Variants in PCDH15 observed in about 807,000 individuals in gnomAD.
PCDH15 encodes the protein protocadherin-15.
A neutral mutation model predicts 178.5 loss-of-function variants in PCDH15; 129 were observed. That is an observed-to-expected ratio of 0.72 (90% CI 0.63 to 0.84). The LOEUF is 0.84. PCDH15 is among the 40% of genes least tolerant of loss of function. The pLI is 0.00. For synonymous variants in PCDH15, 800 were observed against 732.0 expected (o/e 1.09, Z -1.50); for missense variants, 2,230 against 2,099.9 (o/e 1.06, Z -1.21).
intron 1 of PCDH15, among the ~76,000 whole-genome samples, chr10:54,738,001 A>G (rs1188987471): frequency 6.6e-6 from 1 of 152,050 alleles, no homozygotes; most frequent in Non-Finnish European, 1.5e-5. Context: ...AGCCAAATGG[A>G]TAATGGGGGA....
chr10:54,189,044 A>T (rs2048729178), intron 11 of PCDH15, among the ~76,000 whole-genome samples: 1 of 151,992 alleles, frequency 6.6e-6, no homozygotes, highest in African/African-American at 2.4e-5. Flanking sequence ...TAAATTACCA[A>T]TGTTTGTTGT....
chr10:54,286,049 G>T (rs2059007454), intron 8 of PCDH15, among the ~76,000 whole-genome samples: 1 of 152,194 alleles, frequency 6.6e-6, no homozygotes, highest in Non-Finnish European at 1.5e-5. Flanking sequence ...GAGAAGTAGA[G>T]TGAGAAGGAA....
intron 1 of PCDH15, among the ~76,000 whole-genome samples, chr10:55,224,632 T>C (rs1420872551): frequency 1.3e-5 from 2 of 152,110 alleles, no homozygotes; most frequent in Non-Finnish European, 2.9e-5. Context: ...CTTTGACTAG[T>C]ACATAGCACA....
At chr10:55,454,946 CACAA>C (rs755369136) in intron 2 of PCDH15, among the ~76,000 whole-genome samples, 2 of 151,876 alleles carry the variant, frequency 1.3e-5, no homozygotes, top group South Asian at 2.1e-4. Context: ...CATATATACA[CACAA>C]ACACACATAT....
intron 4 of PCDH15, among the ~76,000 whole-genome samples, chr10:54,375,981 G>A (rs983379976): frequency 1.3e-5 from 2 of 151,028 alleles, no homozygotes; most frequent in African/African-American, 2.4e-5. Flanking sequence ...TGCAACCTCC[G>A]CCTCCTGGGA....
At chr10:53,882,076 G>A (rs1353151831) in intron 26 of PCDH15, among the ~76,000 whole-genome samples, 2 of 148,602 alleles carry the variant, frequency 1.3e-5, no homozygotes, top group African/African-American at 5.0e-5. Context: ...TGCAACCTCC[G>A]CCTTCTGAGT....
At chr10:54,706,548 C>T (rs1397346852) in intron 1 of PCDH15, among the ~76,000 whole-genome samples, 2 of 152,132 alleles carry the variant, frequency 1.3e-5, no homozygotes, top group Admixed American at 6.6e-5. Flanking sequence ...TTAAGTTTTA[C>T]ACCTACCATA....
At chr10:55,607,851 A>G (rs1843263762) in intron 2 of PCDH15, among the ~76,000 whole-genome samples, 1 of 151,598 alleles carries the variant, frequency 6.6e-6, no homozygotes, top group Non-Finnish European at 1.5e-5. Flanking sequence ...ATACATATGT[A>G]ACTAACCTGC....
At chr10:55,203,705 G>C (rs1178371396) in intron 1 of PCDH15, among the ~76,000 whole-genome samples, 1 of 151,994 alleles carries the variant, frequency 6.6e-6, no homozygotes, top group Non-Finnish European at 1.5e-5. Flanking sequence ...TTCCCAAGAA[G>C]ACTAAGTAGA....
intron 3 of PCDH15, among the ~76,000 whole-genome samples, chr10:54,441,848 T>G (rs1044645913): frequency 6.6e-6 from 1 of 151,664 alleles, no homozygotes; most frequent in African/African-American, 2.4e-5. Context: ...CCGGGGGACC[T>G]AGAGACACAG....
intron 15 of PCDH15, among the ~76,000 whole-genome samples, chr10:54,108,873 T>C (rs971337391): frequency 6.6e-6 from 1 of 152,204 alleles, no homozygotes; most frequent in African/African-American, 2.4e-5. Flanking sequence ...CTGACATTTC[T>C]AGACACATCC....
chr10:53,871,176 TAA>T (rs35624563), intron 26 of PCDH15, among the ~76,000 whole-genome samples: 196 of 144,136 alleles, frequency 1.4e-3, no homozygotes, highest in East Asian at 4.3e-3. Context: ...TACTAAAAAT[TAA>T]AAAAAAAAAA....
At chr10:55,567,969 G>T (rs1842336127) in intron 2 of PCDH15, among the ~76,000 whole-genome samples, 2 of 151,920 alleles carry the variant, frequency 1.3e-5, no homozygotes, top group South Asian at 4.1e-4. Context: ...CTGTTAGTGG[G>T]AATAAATATA....
intron 2 of PCDH15, among the ~76,000 whole-genome samples, chr10:54,991,594 T>C (rs995920788): frequency 6.6e-5 from 10 of 152,178 alleles, no homozygotes; most frequent in African/African-American, 2.2e-4. Flanking sequence ...TATCCCATGA[T>C]TTTTCATTAA....
chr10:53,828,161 ACGCCATTGCACTCCATC>A (rs1328899170), intron 31 of PCDH15, among the ~76,000 whole-genome samples: 1 of 135,616 alleles, frequency 7.4e-6, no homozygotes, highest in Non-Finnish European at 1.5e-5. Context: ...AGCCCAGATC[ACGCCATTGCACTCCATC>A]CTGGCCAACA....
At position 54,794,082 on chromosome 10, in the gene PCDH15, ATTTCCTTTAAGATATATATTTC is replaced by A. The variant is rs1171601152; in HGVS notation, c.-29+6821_-29+6842del. Among the ~76,000 whole-genome samples, 9 of 147,514 alleles carry A rather than the reference ATTTCCTTTAAGATATATATTTC, an allele frequency of 6.1e-5. No homozygotes were observed. In the South Asian group the frequency reaches 1.0e-3, roughly 17 times the overall value. ...AGAAACTGCTTTGAGATATATATATATTTCCTTTAAGATATATATTTCTTTCCTTTAAGATATATATAAGATA... is the reference window on the plus strand; with the variant it reads ...AGAAACTGCTTTGAGATATATATATATTTCCTTTAAGATATATATAAGATA... On this transcript the variant is annotated intron_variant, in intron 1 of 37. Transcript: ENST00000644397.
chr10:54,078,412 A>C lies in PCDH15; in HGVS notation c.2091+919T>G, dbSNP rs115699829. 4.5e-3 allele frequency among the ~76,000 whole-genome samples: 691 copies of C among 152,166 alleles called. 4 individuals carry two copies. The highest frequency in any genetic ancestry group is 0.016 in the African/African-American group (655 of 41,550). On this transcript the variant is annotated intron_variant, in intron 17 of 37. Coordinates refer to ENST00000644397, the MANE Select transcript of PCDH15 (RefSeq NM_001384140.1). ...TTTATTTTACATTTATTATTACAAT[A>C]ATAAATACATTATTATTGTATACTT... is the stretch of plus-strand genomic sequence containing the variant.
intron 15 of PCDH15, among the ~76,000 whole-genome samples, chr10:54,112,297 G>T (rs1056401773): frequency 1.3e-5 from 2 of 152,056 alleles, no homozygotes; most frequent in Non-Finnish European, 2.9e-5. Flanking sequence ...TGTGCATTTA[G>T]GGTGTTCAGT....
chr10:54,394,158 CTGA>C (rs1037332015), intron 3 of PCDH15, among the ~76,000 whole-genome samples: 4 of 151,878 alleles, frequency 2.6e-5, no homozygotes, highest in African/African-American at 9.7e-5. Context: ...ACTCTTAAGG[CTGA>C]TGATGAGATA....
Sources: allele counts gnomAD v4.1 joint callset (sites outside exome capture counted in the v4.1 genomes callset), GRCh38; gene constraint gnomAD v4.1.1; transcripts MANE v1.5; gene names NCBI Gene and HGNC (gene_info 2026-07-23, HGNC 2026-07-21).